CRLF2: variants seen among roughly 807,000 people sequenced by gnomAD.
CRLF2 encodes cytokine receptor like factor 2, also known as cytokine receptor-like factor 2.
A neutral mutation model predicts 38.7 loss-of-function variants in CRLF2; 41 were observed. That is an observed-to-expected ratio of 1.06 (90% CI 0.83 to 1.37). CRLF2 has a LOEUF of 1.37. CRLF2 is among the 40% of genes most tolerant of loss of function. The pLI is 0.00. For missense variants in CRLF2, 377 were observed against 322.2 expected, an observed-to-expected ratio of 1.17 and a Z score of -1.30; for synonymous variants, 140 against 128.8, an observed-to-expected ratio of 1.09 and a Z score of -0.59.
At chrX:1,204,096 A>AAAAAAAAACAG (rs370190016) in intron 3 of CRLF2, among the ~76,000 whole-genome samples, 2 of 133,442 alleles carry the variant, frequency 1.5e-5, no homozygotes, top group Non-Finnish European at 3.1e-5. Context: ...TCTCAAAAAA[A>AAAAAAAAACAG]AGAGAGAACA....
intron 5 of CRLF2, among the ~76,000 whole-genome samples, 193 bp from the exon 6 acceptor site, chrX:1,197,093 C>CTT (rs371615837): frequency 0.041 from 4,902 of 118,508 alleles, 255 homozygotes; most frequent in African/African-American, 0.091. Flanking sequence ...AAATCTTTTA[C>CTT]TTTTTTTTTT....
intron 1 of CRLF2, among the ~76,000 whole-genome samples, chrX:1,210,140 A>C (rs2086772072): frequency 7.0e-6 from 1 of 142,780 alleles, no homozygotes; most frequent in Non-Finnish European, 1.5e-5. Flanking sequence ...AGAAAAGAAA[A>C]GAAAAGAAAT....
chrX:1,192,361 C>G (rs1278840156), intron 7 of CRLF2, among the ~76,000 whole-genome samples: 2 of 151,998 alleles, frequency 1.3e-5, no homozygotes, highest in Non-Finnish European at 2.9e-5. Context: ...CGGTGGCTCA[C>G]GCCTGTCATC....
At chrX:1,205,755 G>A (rs1330008397) in intron 3 of CRLF2, among the ~76,000 whole-genome samples, 3 of 151,962 alleles carry the variant, frequency 2.0e-5, no homozygotes, top group Non-Finnish European at 2.9e-5. Context: ...ATGGTAATAA[G>A]CTGAAGGAAG....
chrX:1,201,192 G>A (rs2086598016), intron 4 of CRLF2, among the ~76,000 whole-genome samples: 1 of 152,248 alleles, frequency 6.6e-6, no homozygotes, highest in Non-Finnish European at 1.5e-5. Flanking sequence ...GGACAGCTGT[G>A]TGATAATCAT....
intron 7 of CRLF2, 51 bp downstream of exon 7, chrX:1,193,167 G>C (rs1422771053): frequency 5.0e-6 from 2 of 398,372 alleles, no homozygotes; most frequent in South Asian, 1.3e-4. Flanking sequence ...TGCAGGCAGA[G>C]GGGCACCTGC....
At chrX:1,202,646 G>T in intron 3 of CRLF2, 111 bp from the exon 4 acceptor site, 1 of 1,164,608 alleles carries the variant, frequency 8.6e-7, no homozygotes, top group Non-Finnish European at 1.2e-6. Flanking sequence ...AATACCTTAT[G>T]GTGTCTCGGG....
intron 7 of CRLF2, among the ~76,000 whole-genome samples, chrX:1,192,144 G>A (rs1191074446): frequency 2.1e-5 from 3 of 145,498 alleles, no homozygotes; most frequent in Non-Finnish European, 4.5e-5. Context: ...GGTGGAGCTT[G>A]CAGTGAGCCG....
chrX:1,206,373 T>C, intron 3 of CRLF2, 60 bp downstream of exon 3: 3 of 1,485,132 alleles, frequency 2.0e-6, no homozygotes, highest in South Asian at 2.3e-5. Context: ...TTTCAGTCCT[T>C]GTGGTAATAA....
At chrX:1,191,333 C>CT (rs1344619798) in intron 7 of CRLF2, among the ~76,000 whole-genome samples, 173 bp from the exon 8 acceptor site, 1 of 115,296 alleles carries the variant, frequency 8.7e-6, no homozygotes, top group African/African-American at 3.2e-5. Flanking sequence ...TTCTTTCTTT[C>CT]TTTCTTTCTT....
chrX:1,192,712 C>CTTTTCTTTTCT (rs1240566671), intron 7 of CRLF2, among the ~76,000 whole-genome samples: 1 of 13,938 alleles, frequency 7.2e-5, no homozygotes, highest in Non-Finnish European at 1.2e-4. Flanking sequence ...CTTTTCTTTT[C>CTTTTCTTTTCT]TTTCTTTCTT....
intron 1 of CRLF2, among the ~76,000 whole-genome samples, chrX:1,210,408 G>A (rs2086777120): frequency 6.6e-6 from 1 of 152,018 alleles, no homozygotes; most frequent in East Asian, 1.9e-4. Context: ...TTGCCTCCCG[G>A]GTTCATGCCA....
At chrX:1,193,853 C>T (rs1429129231) in intron 6 of CRLF2, among the ~76,000 whole-genome samples, 71,684 of 148,134 alleles carry the variant, frequency 0.48, 17,567 homozygotes, top group East Asian at 0.67. Flanking sequence ...CCCAGCTATT[C>T]GGGAGGCTGA....
chrX:1,206,593 G>T lies in CRLF2; in HGVS notation c.189C>A (p.Asn63Lys). The change falls in exon 3 of 8, where the codon AAC becomes AAA. Residue 63 changes from asparagine (N) to lysine (K), a missense_variant. Physicochemically the swap from Asn to Lys is moderately conservative, Grantham distance 94. Coordinates refer to ENST00000400841, the MANE Select transcript of CRLF2 (RefSeq NM_022148.4). ...RTNLTFHYRF[N>K]GDEAYDQCTN... Reference sequence around the variant, plus strand: ...TGCACTGGTCATAGGCCTCATCACCGTTGAATCTGTGGTTTAAAACGATGA... The same window carrying T: ...TGCACTGGTCATAGGCCTCATCACCTTTGAATCTGTGGTTTAAAACGATGA... 1 of 1,612,988 alleles carries T rather than the reference G, an allele frequency of 6.2e-7. No individual in the cohort carries two copies. The highest frequency in any genetic ancestry group is 8.5e-7 in the Non-Finnish European group (1 of 1,179,268).
At chrX:1,208,716 T>G in intron 2 of CRLF2, 90 bp downstream of exon 2, 1 of 822,798 alleles carries the variant, frequency 1.2e-6, no homozygotes, top group Non-Finnish European at 2.2e-6. Context: ...GCTTTACACT[T>G]TTGTTCTCAA....
intron 6 of CRLF2, among the ~76,000 whole-genome samples, chrX:1,193,613 A>G (rs2086430638): frequency 1.3e-5 from 2 of 151,700 alleles, no homozygotes; most frequent in South Asian, 4.2e-4. Context: ...TCCCCTCTCT[A>G]ATAAAAATAC....
chrX:1,202,387 G>T lies in CRLF2; in HGVS notation c.483+15C>A, dbSNP rs371710708. 15 of 1,613,344 alleles carry T rather than the reference G, an allele frequency of 9.3e-6. No homozygotes were observed. In the African/African-American group the frequency reaches 2.0e-4, roughly 22 times the overall value. ...CTCAGCCACCATCGCCCTGAGTCGC[G>T]GCCGCCCGGCTCACCTGCCACTCGG... On this transcript the variant is annotated intron_variant, in intron 4 of 7. Coordinates refer to ENST00000400841, the MANE Select transcript of CRLF2 (RefSeq NM_022148.4).
chrX:1,199,364 G>A (rs1436279545), intron 4 of CRLF2, among the ~76,000 whole-genome samples: 1 of 151,918 alleles, frequency 6.6e-6, no homozygotes, highest in Non-Finnish European at 1.5e-5. Flanking sequence ...GAGTGCAGTG[G>A]TGCGGTCTCG....
At chrX:1,202,339 C>T (rs1405770088) in intron 4 of CRLF2, 63 bp downstream of exon 4, 5 of 1,602,262 alleles carry the variant, frequency 3.1e-6, no homozygotes, top group African/African-American at 2.7e-5. Flanking sequence ...ACAGCGAATC[C>T]CACAGCCCGC....
Sources: gnomAD v4.1 joint callset for allele counts (sites outside exome capture counted in the v4.1 genomes callset) on GRCh38, gnomAD v4.1.1 for gene constraint, MANE v1.5 for transcripts, NCBI Gene and HGNC (gene_info 2026-07-23, HGNC 2026-07-21) for gene names.